The following TSC1 variants were observed in gnomAD, a reference collection of about 807,000 sequenced individuals.
The protein encoded by TSC1 is TSC complex subunit 1, also known as hamartin.
Under a neutral mutation model 124.3 loss-of-function variants are expected in TSC1, and 20 were observed. The ratio of observed to expected loss-of-function variants is 0.16; its 90% CI spans 0.11 to 0.23. The LOEUF (loss-of-function observed/expected upper bound fraction) is 0.23. TSC1 is among the 10% of genes least tolerant of loss of function. TSC1 has a pLI of 1.00. For synonymous variants in TSC1, 493 were observed against 539.1 expected (o/e 0.91, Z 1.19); for missense variants, 1,124 against 1,448.5 (o/e 0.78, Z 3.64).
rs397514863 is a variant in TSC1 at position 132,905,656 on chromosome 9, G to T, written c.1922C>A (p.Pro641His). ...AKGNTEEDGV[P>H]STSPMEVLDR... is the part of the protein sequence containing the mutation. ...CAGCACTTCCATTGGGGAGGTAGAG[G>T]GCACACCATCTTCCTCTGTGTTTCC... The change falls in exon 15 of 23, where the codon CCC becomes CAC. Residue 641 changes from proline to histidine, a missense_variant. Transcript: ENST00000298552. 8 of 1,614,058 alleles carry T rather than the reference G, an allele frequency of 5.0e-6. No homozygotes were observed. In the Admixed American group the frequency reaches 6.7e-5, roughly 13 times the overall value.
chr9:132,930,418 G>A (rs1266410682), intron 2 of TSC1, among the ~76,000 whole-genome samples: 11 of 151,784 alleles, frequency 7.2e-5, no homozygotes, highest in Non-Finnish European at 1.5e-4. Context: ...GTGAAGCCCC[G>A]TCTCTACTAA....
chr9:132,919,134 T>C (rs950772582), intron 8 of TSC1, among the ~76,000 whole-genome samples: 11 of 152,244 alleles, frequency 7.2e-5, no homozygotes, highest in Non-Finnish European at 1.5e-5. Context: ...CTGCAGTAAC[T>C]GTAACAACAG....
rs1275897593 is a variant in TSC1 at position 132,921,982 on chromosome 9, G to C, written c.509-9C>G. The C allele has an allele frequency of 6.2e-7, 1 of 1,614,046 alleles. No homozygotes were observed. Among genetic ancestry groups the C allele is most frequent in the East Asian group, 2.2e-5 (1 of 44,882 alleles). Reference sequence around the variant, plus strand: ...GACTTCCGCCACGTGGCCTAGAAAAGGAACCCGTTGAGAAGAGCCTCTTAG... The same window carrying C: ...GACTTCCGCCACGTGGCCTAGAAAACGAACCCGTTGAGAAGAGCCTCTTAG... On this transcript the variant is annotated splice_polypyrimidine_tract_variant and intron_variant, in intron 6 of 22. Coordinates refer to ENST00000298552, the MANE Select transcript of TSC1 (RefSeq NM_000368.5). The surrounding 1 kb of genome is among the most constrained non-coding windows in gnomAD (Gnocchi z 4.3).
At position 132,895,563 on chromosome 9, in the gene TSC1, C is replaced by T. The variant is rs1185229288; in HGVS notation, c.*672G>A. On this transcript the variant is annotated 3_prime_UTR_variant, in exon 23 of 23. Transcript: ENST00000298552. The stretch of plus-strand genomic sequence containing the variant: ...TTTCCCAAAGGGTGTGTGGTCTCCA[C>T]AGTGCCAGCTCCAGATTTCTGAAAC... The T allele has an allele frequency of 8.5e-6, 2 of 234,644 alleles. No homozygotes were observed. The highest frequency in any genetic ancestry group is 2.2e-5 in the African/African-American group (1 of 45,370). The allele number at this position is 234,644 out of a possible 1,614,324, so 14.5% of individuals were successfully genotyped here. A position where few individuals can be genotyped will look rare whatever the true frequency, so the allele number is the denominator to read the frequency against.
At position 132,906,132 on chromosome 9, in the gene TSC1, T is replaced by C. The variant is rs1845658834; in HGVS notation, c.1446A>G (p.Ile482Met). 3 of 1,612,626 alleles carry C rather than the reference T, an allele frequency of 1.9e-6. No individual in the cohort carries two copies. Among genetic ancestry groups the C allele is most frequent in the Middle Eastern group, 1.7e-4 (1 of 5,728 alleles). ...TGGTGATCTCAGAAAGTTCTCTAGA[T>C]ATTGCAGCTGAGAGGAAGAGAGGAA... ...SIEKDKEEAA[I>M]SRELSEITTA... is the part of the protein sequence containing the mutation. Residue 482 changes from isoleucine to methionine, a missense_variant, in exon 15 of 23, where the codon ATA becomes ATG. Ile to Met is a conservative substitution (Grantham distance 10). Around this residue, in one of 5 missense-constraint regions of TSC1, gnomAD observed 463 missense variants for 606.8 expected, o/e 0.76. Transcript: ENST00000298552. The surrounding 1 kb of genome is among the most constrained non-coding windows in gnomAD (Gnocchi z 4.1).
rs1206598804 is a variant in TSC1 at position 132,902,750 on chromosome 9, A to G, written c.2246T>C (p.Met749Thr). The stretch of plus-strand genomic sequence containing the variant: ...TTCTTTCTGCAGACTAACCTTCCAC[A>G]TCTGGATGTCCTTCTCTTGTAACTT... ...QLKLQEKDIQ[M>T]WKVSLQKEQA... The change falls in exon 18 of 23, where the codon ATG becomes ACG. Residue 749 changes from methionine (M) to threonine (T), a missense_variant. By Grantham distance (81) the Met-to-Thr change is moderately conservative (BLOSUM62 -1). This residue lies in a region of TSC1 where 321 missense variants were observed against 397.4 expected (regional missense o/e 0.81). Coordinates refer to ENST00000298552, the MANE Select transcript of TSC1 (RefSeq NM_000368.5). The surrounding 1 kb of genome is among the most constrained non-coding windows in gnomAD (Gnocchi z 5.2). 6.2e-7 allele frequency: 1 copy of G among 1,613,826 alleles called. No homozygotes were observed. Among genetic ancestry groups the G allele is most frequent in the African/African-American group, 1.3e-5 (1 of 74,912 alleles).
Position 132,896,723 on chromosome 9 carries a change from A to T in TSC1, c.3007T>A (p.Ser1003Thr). ...GCCTCTTCATTGTGCCCTACCATGG[A>T]ATCTGAGCACCCGTCATTACAACAG... is the stretch of plus-strand genomic sequence containing the variant. ...LDCCNDGCSD[S>T]MVGHNEEASG... is the part of the protein sequence containing the mutation. Residue 1003 changes from serine (S) to threonine (T), a missense_variant, in exon 23 of 23, where the codon TCC (serine) becomes ACC (threonine). Physicochemically the swap from Ser to Thr is moderately conservative, Grantham distance 58. Around this residue, in one of 5 missense-constraint regions of TSC1, gnomAD observed 325 missense variants for 383.4 expected, o/e 0.85. Transcript: ENST00000298552. This position sits in a 1 kb window ranked among gnomAD's most constrained non-coding sequence, Gnocchi z 4.5. 1.2e-6 allele frequency: 2 copies of T among 1,613,734 alleles called. No homozygotes were observed. The highest frequency in any genetic ancestry group is 1.7e-6 in the Non-Finnish European group (2 of 1,180,014).
intron 12 of TSC1, among the ~76,000 whole-genome samples, chr9:132,909,024 C>G (rs1229229085): frequency 1.3e-5 from 2 of 151,748 alleles, no homozygotes; most frequent in Non-Finnish European, 2.9e-5. Context: ...CCCGCCTCAG[C>G]CTCCCAAGTA....
At chr9:132,942,899 G>A (rs993742571) in intron 1 of TSC1, among the ~76,000 whole-genome samples, 1 of 152,000 alleles carries the variant, frequency 6.6e-6, no homozygotes, top group African/African-American at 2.4e-5. Context: ...TGTTTCTGAG[G>A]AGCCTCATTT....
At chr9:132,904,122 G>GTGT (rs1416554964) in intron 16 of TSC1, among the ~76,000 whole-genome samples, 2 of 152,138 alleles carry the variant, frequency 1.3e-5, no homozygotes, top group Non-Finnish European at 2.9e-5. Flanking sequence ...TTCCTTCGCT[G>GTGT]TGTGTTCTCC....
In TSC1 at chr9:132,903,939, T is replaced by C. The variant is rs903467880; in HGVS notation, c.2042-122A>G. On this transcript the variant is annotated intron_variant, in intron 16 of 22. Transcript: ENST00000298552. The surrounding 1 kb of genome is among the most constrained non-coding windows in gnomAD (Gnocchi z 5.9). The stretch of plus-strand genomic sequence containing the variant: ...CTTTAAAAACAAATCACCACTCTCT[T>C]TGCAAATGACCACTTGACTCCCAGC... 11 of 1,206,752 alleles carry C rather than the reference T, an allele frequency of 9.1e-6. No homozygotes were observed. The African/African-American group carries it at 1.6e-4, about 18-fold the overall frequency. 74.8% of individuals were successfully genotyped at this position (1,206,752 alleles called of 1,614,324 possible).
chr9:132,893,778 T>A lies in TSC1; in HGVS notation c.*2457A>T, dbSNP rs894391928. The A allele has an allele frequency of 1.3e-5, 3 of 233,170 alleles. No homozygotes were observed. In the Admixed American group the frequency reaches 1.7e-4, roughly 13 times the overall value. 14.4% of individuals were successfully genotyped at this position (233,170 alleles called of 1,614,324 possible). On this transcript the variant is annotated 3_prime_UTR_variant, in exon 23 of 23. Coordinates refer to ENST00000298552, the MANE Select transcript of TSC1 (RefSeq NM_000368.5). ...CAAGGTAGACTCTGCCCTTAACGCT[T>A]ATTGTACTAATACCTTTGCCCAGGA...
chr9:132,936,885 A>G (rs1847479175), intron 1 of TSC1, among the ~76,000 whole-genome samples: 1 of 152,252 alleles, frequency 6.6e-6, no homozygotes, highest in Non-Finnish European at 1.5e-5. Context: ...CAAGTTCTTA[A>G]ATGTACGACC....
In TSC1 at chr9:132,897,298, A is replaced by G; in HGVS notation, c.2861T>C (p.Ile954Thr). The change falls in exon 22 of 23, where the codon ATA (isoleucine) becomes ACA (threonine). Residue 954 changes from isoleucine (I) to threonine (T), a missense_variant. By Grantham distance (89) the Ile-to-Thr change is moderately conservative. Coordinates refer to ENST00000298552, the MANE Select transcript of TSC1 (RefSeq NM_000368.5). ...AESRYEAQKR[I>T]TQVFELEILD... ...GATCTCCAATTCAAACACCTGGGTT[A>G]TCCTTTTCTGAGCCTCATACCTGCT... is the stretch of plus-strand genomic sequence containing the variant. 1 of 1,614,244 alleles carries G rather than the reference A, an allele frequency of 6.2e-7. No homozygotes were observed. Among genetic ancestry groups the G allele is most frequent in the East Asian group, 2.2e-5 (1 of 44,892 alleles).
Position 132,895,123 on chromosome 9 carries a change from T to C in TSC1, c.*1112A>G. ...TCCCTGGAGAGTCAGCCCCTGAAAG[T>C]TGGAATTGGTATGAAAAAGCTGCCC... On this transcript the variant is annotated 3_prime_UTR_variant, in exon 23 of 23. Coordinates refer to ENST00000298552, the MANE Select transcript of TSC1 (RefSeq NM_000368.5). 1 of 233,038 alleles carries C rather than the reference T, an allele frequency of 4.3e-6. No individual in the cohort carries two copies. Among genetic ancestry groups the C allele is most frequent in the East Asian group, 6.1e-5 (1 of 16,518 alleles). The allele number at this position is 233,038 out of a possible 1,614,324, so 14.4% of individuals were successfully genotyped here.
Position 132,902,537 on chromosome 9 carries a change from G to T in TSC1, c.2391+68C>A, listed in dbSNP as rs574460013. The T allele has an allele frequency of 4.6e-5, 73 of 1,588,066 alleles. No individual in the cohort carries two copies. The South Asian group carries it at 6.4e-4, about 14-fold the overall frequency. ...CAAGTCAAGGACACCCAGGGAAACT[G>T]ACTGCCTCCCTCCCCACTGCTCTCC... is the stretch of plus-strand genomic sequence containing the variant. On this transcript the variant is annotated intron_variant, in intron 18 of 22. Transcript: ENST00000298552. This position sits in a 1 kb window ranked among gnomAD's most constrained non-coding sequence, Gnocchi z 5.2.
rs1167652701 is a variant in TSC1, at chr9:132,896,566, C to A, written c.3164G>T (p.Arg1055Met). ...CCACCGACTGCTGAATGGGCCTGCC[C>A]TCTGGTGTGGGGGTTTCTCTGGGGT... ...LSTPEKPPHQ[R>M]AGPFSSRWET... The change falls in exon 23 of 23, where the codon AGG (arginine) becomes ATG (methionine). Residue 1055 changes from arginine to methionine, a missense_variant. Arg to Met is a moderately conservative substitution (Grantham distance 91, BLOSUM62 -1). This residue lies in a region of TSC1 where 325 missense variants were observed against 383.4 expected (regional missense o/e 0.85). Transcript: ENST00000298552. The surrounding 1 kb of genome is among the most constrained non-coding windows in gnomAD (Gnocchi z 4.5). 6.2e-7 allele frequency: 1 copy of A among 1,614,120 alleles called. No homozygotes were observed. Among genetic ancestry groups the A allele is most frequent in the Non-Finnish European group, 8.5e-7 (1 of 1,180,010 alleles).
chr9:132,941,148 T>C (rs1847717589), intron 1 of TSC1: 1 of 152,248 alleles, frequency 6.6e-6, no homozygotes, highest in African/African-American at 2.4e-5. Flanking sequence ...TAAGACATTT[T>C]ACTTATTAGA....
chr9:132,910,872 A>T (rs1845919142), intron 11 of TSC1, 130 bp downstream of exon 11: 1 of 1,287,620 alleles, frequency 7.8e-7, no homozygotes, highest in Non-Finnish European at 1.1e-6. Context: ...TGAAAGCCCC[A>T]GGGATTTGCA....
Sources: allele counts gnomAD v4.1 joint callset (sites outside exome capture counted in the v4.1 genomes callset), GRCh38; gene constraint gnomAD v4.1.1; regional missense constraint gnomAD v4.1.1; non-coding constraint Gnocchi (gnomAD v3.1); transcripts MANE v1.5; gene names NCBI Gene and HGNC (gene_info 2026-07-23, HGNC 2026-07-21).